Variants in NRG1 observed in about 807,000 individuals in gnomAD.
The protein encoded by NRG1 is neuregulin 1.
Under a neutral mutation model 63.8 loss-of-function variants are expected in NRG1, and 18 were observed. The observed-to-expected ratio is 0.28, with a 90% CI of 0.19 to 0.42. NRG1 has a LOEUF of 0.42. NRG1 is among the 10% of genes least tolerant of loss of function. The pLI, the probability that NRG1 is intolerant of heterozygous loss-of-function variation, is 1.00. For synonymous variants in NRG1, 302 were observed against 301.3 expected (o/e 1.00, Z -0.02); for missense variants, 762 against 814.7 (o/e 0.94, Z 0.79).
chr8:32,743,500 A>G (rs938965987), intron 7 of NRG1, among the ~76,000 whole-genome samples: 3 of 148,800 alleles, frequency 2.0e-5, no homozygotes, highest in Non-Finnish European at 4.4e-5. Flanking sequence ...ACTCAACTAT[A>G]GGATAAATAT....
chr8:31,641,199 G>T (rs1005024989), intron 1 of NRG1, among the ~76,000 whole-genome samples: 14 of 152,198 alleles, frequency 9.2e-5, no homozygotes, highest in Admixed American at 5.9e-4. Context: ...TCTCTGCAAG[G>T]AAGGGGCAGT....
At chr8:32,270,676 G>A (rs940773023) in intron 1 of NRG1, among the ~76,000 whole-genome samples, 1 of 152,170 alleles carries the variant, frequency 6.6e-6, no homozygotes, top group African/African-American at 2.4e-5. Flanking sequence ...GAAGGTCCGA[G>A]TGAACTTTGC....
chr8:32,727,580 G>A (rs1280894931), intron 5 of NRG1, among the ~76,000 whole-genome samples: 2 of 152,100 alleles, frequency 1.3e-5, no homozygotes, highest in African/African-American at 4.8e-5. Context: ...TGTCTAAATT[G>A]AGCTGCACTG....
intron 1 of NRG1, among the ~76,000 whole-genome samples, chr8:32,367,446 T>C (rs1004217498): frequency 2.0e-5 from 3 of 152,284 alleles, no homozygotes; most frequent in Admixed American, 2.0e-4. Context: ...ATTGTATGTA[T>C]TCTTTTAAGA....
At chr8:32,385,168 C>T (rs1388220545) in intron 1 of NRG1, among the ~76,000 whole-genome samples, 2 of 151,946 alleles carry the variant, frequency 1.3e-5, no homozygotes, top group Non-Finnish European at 2.9e-5. Flanking sequence ...TACAGGCGCC[C>T]GTCACCATGC....
chr8:32,736,995 G>A (rs1195367855), intron 6 of NRG1, among the ~76,000 whole-genome samples: 1 of 152,052 alleles, frequency 6.6e-6, no homozygotes, highest in Non-Finnish European at 1.5e-5. Flanking sequence ...TACATAGTAA[G>A]CATATCAGGA....
chr8:32,039,703 C>T (rs1412601506), intron 1 of NRG1, among the ~76,000 whole-genome samples: 1 of 152,110 alleles, frequency 6.6e-6, no homozygotes, highest in Admixed American at 6.5e-5. Context: ...TTAACCTCAA[C>T]TCCTCATCAA....
intron 7 of NRG1, among the ~76,000 whole-genome samples, chr8:32,745,015 G>A (rs1827166285): frequency 6.6e-6 from 1 of 152,170 alleles, no homozygotes; most frequent in Non-Finnish European, 1.5e-5. Flanking sequence ...AACAATATAT[G>A]TAATGGCTGT....
At chr8:32,176,442 A>G (rs1034913623) in intron 1 of NRG1, among the ~76,000 whole-genome samples, 2 of 152,234 alleles carry the variant, frequency 1.3e-5, no homozygotes, top group Non-Finnish European at 2.9e-5. Flanking sequence ...CTAAAACACC[A>G]AAAGCAATGG....
chr8:32,111,482 G>A (rs1193943276), intron 1 of NRG1, among the ~76,000 whole-genome samples: 1 of 152,132 alleles, frequency 6.6e-6, no homozygotes, highest in Non-Finnish European at 1.5e-5. Flanking sequence ...GGTCTGTGTT[G>A]TCAGTATTCA....
rs57478389 is a variant in NRG1, at chr8:32,634,099, T to TAAAAAAAAAAAAAAAAAAAAAAAAAA, written c.502+17233_502+17234insAAAAAAAAAAAAAAAAAAAAAAAAAA. Among the ~76,000 whole-genome samples the TAAAAAAAAAAAAAAAAAAAAAAAAAA allele has an allele frequency of 1.6e-4, 14 of 86,760 alleles. 2 individuals are homozygous for TAAAAAAAAAAAAAAAAAAAAAAAAAA. The highest frequency in any genetic ancestry group is 8.6e-4 in the African/African-American group (13 of 15,032). The allele number at this position is 86,760 out of a possible 152,430, so 56.9% of individuals were successfully genotyped here. A position where few individuals can be genotyped will look rare whatever the true frequency, so the allele number is the denominator to read the frequency against. ...TTTGAGGCTGAGCAAGATCTTGTCT[T>TAAAAAAAAAAAAAAAAAAAAAAAAAA]AAAAAAAAAAAAAAAAAAAGGTTGC... On this transcript the variant is annotated intron_variant, in intron 5 of 11. Transcript: ENST00000356819.
intron 1 of NRG1, among the ~76,000 whole-genome samples, chr8:32,009,410 G>T (rs1814364456): frequency 6.6e-6 from 1 of 152,016 alleles, no homozygotes; most frequent in South Asian, 2.1e-4. Flanking sequence ...GTCAGATGCT[G>T]TTTTAGGTGC....
At chr8:32,616,856 T>G in exon 5 of NRG1, 1 of 1,602,552 alleles carries the variant, frequency 6.2e-7, no homozygotes, top group Non-Finnish European at 8.5e-7. Flanking sequence ...AGAATATCAG[T>G]ATCCACAGAA....
rs891559904 is a variant in NRG1 at position 32,009,248 on chromosome 8, C to T, written c.37+369817C>T. On this transcript the variant is annotated intron_variant, in intron 1 of 10. Transcript: ENST00000519301. ...TCACCTCTCCTTGCTTCCATCATTC[C>T]CCTACTCCAACAGTTTCATCTTCCT... Among the ~76,000 whole-genome samples, 8 of 152,156 alleles carry T rather than the reference C, an allele frequency of 5.3e-5. No individual in the cohort carries two copies. In the South Asian group the frequency reaches 1.4e-3, roughly 28 times the overall value.
At chr8:32,303,535 G>A (rs1033226222) in intron 1 of NRG1, among the ~76,000 whole-genome samples, 1 of 152,158 alleles carries the variant, frequency 6.6e-6, no homozygotes, top group Non-Finnish European at 1.5e-5. Flanking sequence ...AAAATGAAAT[G>A]ACACCTGTTA....
chr8:32,723,349 G>A (rs1821132038), intron 5 of NRG1, among the ~76,000 whole-genome samples: 1 of 152,074 alleles, frequency 6.6e-6, no homozygotes, highest in African/African-American at 2.4e-5. Context: ...CAGTGATTTT[G>A]GTTGTTATCA....
chr8:32,127,528 C>CATGTGTGT (rs142399009), intron 1 of NRG1, among the ~76,000 whole-genome samples: 5 of 146,278 alleles, frequency 3.4e-5, no homozygotes, highest in East Asian at 2.0e-4. Context: ...TGTATCTGCA[C>CATGTGTGT]GTGTGTGTGT....
intron 1 of NRG1, among the ~76,000 whole-genome samples, chr8:32,007,837 T>C (rs1361575748): frequency 1.3e-5 from 2 of 151,950 alleles, no homozygotes; most frequent in African/African-American, 2.4e-5. Flanking sequence ...TTAAGAGCCA[T>C]TTTAAAATTG....
chr8:31,989,253 C>CAAAAAAAAAAAAAAAAAA lies in NRG1; in HGVS notation c.37+349825_37+349842dup, dbSNP rs10692906. ...CCTGGGTGAGAGAGAGACTCTGTCT[C>CAAAAAAAAAAAAAAAAAA]AAAAAAAAAAAAAAAAAAAAGAACA... is the stretch of plus-strand genomic sequence containing the variant. On this transcript the variant is annotated intron_variant, in intron 1 of 10. Transcript: ENST00000519301. 1.2e-3 allele frequency among the ~76,000 whole-genome samples: 55 copies of CAAAAAAAAAAAAAAAAAA among 47,512 alleles called. 3 individuals are homozygous for CAAAAAAAAAAAAAAAAAA. The highest frequency in any genetic ancestry group is 3.6e-3 in the African/African-American group (33 of 9,088). The allele number at this position is 47,512 out of a possible 152,430, so 31.2% of individuals were successfully genotyped here.
Sources: gnomAD v4.1 joint callset for allele counts (sites outside exome capture counted in the v4.1 genomes callset) on GRCh38, gnomAD v4.1.1 for gene constraint, MANE v1.5 for transcripts, NCBI Gene and HGNC (gene_info 2026-07-23, HGNC 2026-07-21) for gene names.